The following SLC24A2 variants were observed in gnomAD, a reference collection of about 807,000 sequenced individuals.
SLC24A2 encodes the protein sodium/potassium/calcium exchanger 2.
SLC24A2 carries 36 observed loss-of-function variants against 62.0 expected under a neutral mutation model. That is an observed-to-expected ratio of 0.58 (90% CI 0.44 to 0.77). The LOEUF (loss-of-function observed/expected upper bound fraction) is 0.77. SLC24A2 is among the 30% of genes least tolerant of loss of function. SLC24A2 has a pLI of 0.00. For synonymous variants in SLC24A2, 358 were observed against 294.0 expected (o/e 1.22, Z -2.23); for missense variants, 846 against 817.9 (o/e 1.03, Z -0.42).
At chr9:19,852,323 A>C in the SLC24A2 span, among the ~76,000 whole-genome samples, 1 of 152,128 alleles carries the variant, frequency 6.6e-6, no homozygotes, top group South Asian at 2.1e-4. Flanking sequence ...CTTTAGTTTA[A>C]TTAGATCCCA....
At chr9:20,096,665 G>T in the SLC24A2 span, among the ~76,000 whole-genome samples, 1 of 152,060 alleles carries the variant, frequency 6.6e-6, no homozygotes, top group African/African-American at 2.4e-5. Context: ...GATTTTACAA[G>T]AAAACATTAT....
At chr9:20,105,153 T>C in the SLC24A2 span, among the ~76,000 whole-genome samples, 73 of 150,916 alleles carry the variant, frequency 4.8e-4, no homozygotes, top group Admixed American at 1.3e-3. Flanking sequence ...GCTAACTATC[T>C]TAAATATATA....
the SLC24A2 span, among the ~76,000 whole-genome samples, chr9:20,182,154 A>G: frequency 2.0e-5 from 3 of 152,242 alleles, no homozygotes; most frequent in Non-Finnish European, 4.4e-5. Flanking sequence ...ATGTGGTTAA[A>G]TAGGAACGCT....
chr9:19,565,289 G>T (rs1212453918), intron 7 of SLC24A2, among the ~76,000 whole-genome samples: 4 of 148,894 alleles, frequency 2.7e-5, no homozygotes, highest in Non-Finnish European at 5.9e-5. Flanking sequence ...AAATCAATGT[G>T]CAAAAATCAC....
At chr9:19,997,195 T>A in the SLC24A2 span, among the ~76,000 whole-genome samples, 1 of 152,158 alleles carries the variant, frequency 6.6e-6, no homozygotes, top group Non-Finnish European at 1.5e-5. Flanking sequence ...TCTTAATAAT[T>A]TTTGGAATCT....
chr9:19,780,306 C>T (rs1325612488), intron 2 of SLC24A2, among the ~76,000 whole-genome samples: 1 of 149,342 alleles, frequency 6.7e-6, no homozygotes, highest in South Asian at 2.1e-4. Flanking sequence ...CTCACTCTGT[C>T]GCCCAGGCTG....
At chr9:19,910,495 A>G in the SLC24A2 span, among the ~76,000 whole-genome samples, 1 of 151,810 alleles carries the variant, frequency 6.6e-6, no homozygotes, top group African/African-American at 2.4e-5. Context: ...AACATTCTCA[A>G]TTTCCTATAG....
At chr9:19,571,144 G>A (rs1293925291) in intron 7 of SLC24A2, among the ~76,000 whole-genome samples, 1 of 152,150 alleles carries the variant, frequency 6.6e-6, no homozygotes, top group African/African-American at 2.4e-5. Flanking sequence ...AGGGCAGCCA[G>A]ATGTCCTTGG....
chr9:20,179,419 A>G, the SLC24A2 span, among the ~76,000 whole-genome samples: 1 of 152,252 alleles, frequency 6.6e-6, no homozygotes, highest in Admixed American at 6.5e-5. Context: ...CCAGAACATG[A>G]GATCATCATG....
At chr9:19,944,788 G>A in the SLC24A2 span, among the ~76,000 whole-genome samples, 1 of 152,158 alleles carries the variant, frequency 6.6e-6, no homozygotes, top group Non-Finnish European at 1.5e-5. Flanking sequence ...TTGTCACTTA[G>A]ATTTGTCTTC....
the SLC24A2 span, chr9:19,927,243 C>T: frequency 2.0e-5 from 3 of 152,318 alleles, no homozygotes; most frequent in Admixed American, 2.0e-4. Context: ...CTTCTACGAA[C>T]CTTGTGAAGA....
chr9:20,082,104 T>C, the SLC24A2 span, among the ~76,000 whole-genome samples: 5 of 152,210 alleles, frequency 3.3e-5, no homozygotes, highest in African/African-American at 9.6e-5. Context: ...AATTTGTCTA[T>C]AGCATGAGGT....
intron 2 of SLC24A2, among the ~76,000 whole-genome samples, chr9:19,759,132 C>A (rs1276640815): frequency 6.6e-6 from 1 of 152,194 alleles, no homozygotes. Flanking sequence ...AAGACACCTA[C>A]AAACAGCCAC....
chr9:20,263,353 G>A, the SLC24A2 span, among the ~76,000 whole-genome samples: 1 of 152,116 alleles, frequency 6.6e-6, no homozygotes, highest in Admixed American at 6.5e-5. Context: ...CTGGGTTCAA[G>A]CAAGCTGCTC....
At chr9:20,239,898 G>C in the SLC24A2 span, among the ~76,000 whole-genome samples, 23 of 149,718 alleles carry the variant, frequency 1.5e-4, no homozygotes, top group African/African-American at 5.7e-4. Context: ...TTTTGTCACG[G>C]AGTTGATTCG....
the SLC24A2 span, among the ~76,000 whole-genome samples, chr9:20,001,198 C>T: frequency 6.6e-6 from 1 of 152,324 alleles, no homozygotes; most frequent in South Asian, 2.1e-4. Context: ...CACATCCTGT[C>T]CTCTTAGATC....
chr9:20,092,682 T>C, the SLC24A2 span, among the ~76,000 whole-genome samples: 1 of 152,236 alleles, frequency 6.6e-6, no homozygotes, highest in Non-Finnish European at 1.5e-5. Context: ...ATTACCAAAG[T>C]CATGTTAATT....
intron 9 of SLC24A2, among the ~76,000 whole-genome samples, chr9:19,522,323 T>C (rs1000108567): frequency 6.6e-6 from 1 of 152,320 alleles, no homozygotes; most frequent in East Asian, 1.9e-4. Context: ...AACCTATTCA[T>C]GTTTTGCTGG....
At chr9:20,172,160 A>G in the SLC24A2 span, among the ~76,000 whole-genome samples, 46 of 151,958 alleles carry the variant, frequency 3.0e-4, no homozygotes, top group Non-Finnish European at 5.3e-4. Context: ...AAATTCTTCA[A>G]ACTGAACAAT....
Sources: allele counts gnomAD v4.1 joint callset (sites outside exome capture counted in the v4.1 genomes callset), GRCh38; gene constraint gnomAD v4.1.1; transcripts MANE v1.5; gene names NCBI Gene and HGNC (gene_info 2026-07-23, HGNC 2026-07-21).